The following TANC2 variants were observed in gnomAD, a reference collection of about 807,000 sequenced individuals.
TANC2 encodes protein TANC2.
In TANC2, 26 loss-of-function variants were observed where a neutral mutation model predicts 210.5. The ratio of observed to expected loss-of-function variants is 0.12; its 90% CI spans 0.09 to 0.17. The LOEUF is 0.17. TANC2 is among the 10% of genes least tolerant of loss of function. The probability of loss-of-function intolerance (pLI) is 1.00; values close to 1 mark genes in which losing one functional copy is unlikely to be tolerated. For synonymous variants in TANC2, 931 were observed against 967.1 expected, an observed-to-expected ratio of 0.96 and a Z score of 0.69; for missense variants, 2,129 against 2,608.9, an observed-to-expected ratio of 0.82 and a Z score of 4.01.
chr17:63,037,058 A>C (rs2035002088), intron 2 of TANC2, among the ~76,000 whole-genome samples: 1 of 152,176 alleles, frequency 6.6e-6, no homozygotes, highest in Non-Finnish European at 1.5e-5. Context: ...CAATAGTAAA[A>C]TAGAACAATT....
chr17:63,399,618 G>A (rs945397287), intron 19 of TANC2, among the ~76,000 whole-genome samples: 2 of 152,168 alleles, frequency 1.3e-5, no homozygotes, highest in African/African-American at 2.4e-5. Flanking sequence ...TGAAACCAGG[G>A]CAATGAAAAC....
chr17:63,220,309 A>G (rs1283995846), intron 7 of TANC2, among the ~76,000 whole-genome samples: 8 of 151,806 alleles, frequency 5.3e-5, no homozygotes, highest in Non-Finnish European at 7.4e-5. Context: ...AAAAAAAAAA[A>G]GTCCAAAAAT....
chr17:63,023,265 C>T (rs932758603), intron 2 of TANC2, among the ~76,000 whole-genome samples: 2 of 152,222 alleles, frequency 1.3e-5, no homozygotes, highest in African/African-American at 4.8e-5. Context: ...AGCTGGGTTG[C>T]CTGAGGCCTT....
At chr17:63,416,034 T>C (rs1040102626) in intron 26 of TANC2, among the ~76,000 whole-genome samples, 1 of 152,190 alleles carries the variant, frequency 6.6e-6, no homozygotes, top group African/African-American at 2.4e-5. Context: ...ATGTGAATTG[T>C]AGTCATTACT....
intron 3 of TANC2, among the ~76,000 whole-genome samples, chr17:63,082,464 T>G (rs1450513067): frequency 6.6e-6 from 1 of 152,148 alleles, no homozygotes; most frequent in African/African-American, 2.4e-5. Context: ...GGGGGCAGAA[T>G]AAGACAAACC....
At position 63,025,816 on chromosome 17, in the gene TANC2, T is replaced by TAAAA. The variant is rs1188831436; in HGVS notation, c.67+16190_67+16191insAAAA. On this transcript the variant is annotated intron_variant, in intron 2 of 27. Coordinates refer to ENST00000689528, the Ensembl canonical transcript of TANC2. Reference sequence around the variant, plus strand: ...ATCTCAAAAATAAAATAAAATAAAATTAAATTAAAATAAAATAAAATAAAA... The same window carrying TAAAA: ...ATCTCAAAAATAAAATAAAATAAAATAAAATAAATTAAAATAAAATAAAATAAAA... Among the ~76,000 whole-genome samples the TAAAA allele has an allele frequency of 2.2e-3, 235 of 107,850 alleles. 1 individual carries two copies. Among genetic ancestry groups the TAAAA allele is most frequent in the African/African-American group, 7.7e-3 (135 of 17,642 alleles). 70.8% of individuals were successfully genotyped at this position (107,850 alleles called of 152,430 possible). A position where few individuals can be genotyped will look rare whatever the true frequency, so the allele number is the denominator to read the frequency against.
chr17:63,109,671 C>T (rs547849168), intron 4 of TANC2, among the ~76,000 whole-genome samples: 2 of 151,744 alleles, frequency 1.3e-5, no homozygotes, highest in South Asian at 4.1e-4. Context: ...AAGTAATTTA[C>T]CTATATGAGC....
chr17:63,050,589 A>G (rs530976485), intron 2 of TANC2, among the ~76,000 whole-genome samples: 1 of 152,184 alleles, frequency 6.6e-6, no homozygotes, highest in Admixed American at 6.5e-5. Flanking sequence ...GGAGATGAGA[A>G]ACAATAAGCC....
chr17:63,312,223 A>C (rs1404733059), intron 9 of TANC2, among the ~76,000 whole-genome samples: 1 of 152,200 alleles, frequency 6.6e-6, no homozygotes, highest in Non-Finnish European at 1.5e-5. Flanking sequence ...TGGATTTTAA[A>C]AGAGTAGTTT....
At chr17:63,117,681 A>G (rs1252839612) in intron 4 of TANC2, among the ~76,000 whole-genome samples, 1 of 152,242 alleles carries the variant, frequency 6.6e-6, no homozygotes, top group Non-Finnish European at 1.5e-5. Context: ...TGATAACAAC[A>G]TGACCAGTGA....
At chr17:63,402,372 C>T (rs1169520056) in intron 19 of TANC2, among the ~76,000 whole-genome samples, 3 of 152,200 alleles carry the variant, frequency 2.0e-5, no homozygotes, top group Admixed American at 6.5e-5. Flanking sequence ...CGTCTGTTTC[C>T]TTACTCAACC....
intron 8 of TANC2, among the ~76,000 whole-genome samples, chr17:63,241,627 TA>T (rs2042775979): frequency 6.6e-6 from 1 of 152,164 alleles, no homozygotes; most frequent in African/African-American, 2.4e-5. Flanking sequence ...AAAGCCTGTA[TA>T]AAAAGGGCAA....
intron 2 of TANC2, among the ~76,000 whole-genome samples, chr17:63,018,596 T>G (rs1836211463): frequency 6.6e-6 from 1 of 152,196 alleles, no homozygotes; most frequent in Non-Finnish European, 1.5e-5. Flanking sequence ...CTTACAAAAC[T>G]GTATAGTATA....
intron 14 of TANC2, among the ~76,000 whole-genome samples, chr17:63,363,678 G>T (rs1315083870): frequency 6.6e-6 from 1 of 152,154 alleles, no homozygotes; most frequent in African/African-American, 2.4e-5. Flanking sequence ...GTAGATGTAT[G>T]AATTTATTTC....
chr17:63,016,761 G>T lies in TANC2; in HGVS notation c.67+7135G>T, dbSNP rs189837728. ...TTTTTAAAATTATAGTAGGTGTGAA[G>T]TGGTATCTCATTGTGGTTTTGACTT... On this transcript the variant is annotated intron_variant, in intron 2 of 27. Transcript: ENST00000689528. Among the ~76,000 whole-genome samples the T allele has an allele frequency of 5.3e-4, 81 of 152,168 alleles. 1 individual carries two copies. The highest frequency in any genetic ancestry group is 1.7e-3 in the African/African-American group (72 of 41,528).
intron 1 of TANC2, among the ~76,000 whole-genome samples, chr17:62,974,593 C>T (rs2143300475): frequency 6.6e-6 from 1 of 152,246 alleles, no homozygotes; most frequent in East Asian, 1.9e-4. Flanking sequence ...AATTTTACTA[C>T]TATTGTCTTT....
At chr17:63,294,783 G>A (rs1286040590) in intron 9 of TANC2, among the ~76,000 whole-genome samples, 2 of 152,144 alleles carry the variant, frequency 1.3e-5, no homozygotes, top group African/African-American at 4.8e-5. Flanking sequence ...AGGGTGGAGT[G>A]GTCTTCCTGC....
intron 3 of TANC2, among the ~76,000 whole-genome samples, chr17:63,081,446 T>G (rs535287981): frequency 6.6e-6 from 1 of 152,336 alleles, no homozygotes; most frequent in South Asian, 2.1e-4. Context: ...TCCTCTGAGC[T>G]CATACTGGCA....
At chr17:63,341,510 G>A (rs774543535) in intron 12 of TANC2, among the ~76,000 whole-genome samples, 8 of 152,242 alleles carry the variant, frequency 5.3e-5, no homozygotes, top group Admixed American at 2.0e-4. Flanking sequence ...CGAGTTTAGT[G>A]CTCTTTCCAC....
Sources: allele counts gnomAD v4.1 joint callset (sites outside exome capture counted in the v4.1 genomes callset), GRCh38; gene constraint gnomAD v4.1.1; transcripts MANE v1.5; gene names NCBI Gene and HGNC (gene_info 2026-07-23, HGNC 2026-07-21).